KCNMA1: variants seen among roughly 807,000 people sequenced by gnomAD.
The protein encoded by KCNMA1 is potassium calcium-activated channel subfamily M alpha 1, also known as Calcium-activated potassium channel subunit alpha-1.
KCNMA1 carries 29 observed loss-of-function variants against 140.0 expected under a neutral mutation model. The observed-to-expected ratio is 0.21, with a 90% CI of 0.15 to 0.28. KCNMA1 has a LOEUF of 0.28. Ranked by LOEUF, KCNMA1 falls within the 10% of genes least tolerant of loss-of-function variation. The pLI is 1.00. For synonymous variants in KCNMA1, 612 were observed against 611.9 expected (o/e 1.00, Z 0.00); for missense variants, 880 against 1,602.2 (o/e 0.55, Z 7.70).
chr10:77,081,610 T>C (rs1188329751), intron 12 of KCNMA1, among the ~76,000 whole-genome samples: 1 of 152,142 alleles, frequency 6.6e-6, no homozygotes, highest in Non-Finnish European at 1.5e-5. Context: ...AACGTACGAA[T>C]TTAGGAAATG....
At chr10:77,129,046 C>T (rs533470537) in intron 5 of KCNMA1, among the ~76,000 whole-genome samples, 3 of 152,324 alleles carry the variant, frequency 2.0e-5, no homozygotes, top group African/African-American at 4.8e-5. Context: ...CTGCTTCCCA[C>T]CAGATTCAAC....
At chr10:77,165,367 C>T (rs1264364926) in intron 5 of KCNMA1, among the ~76,000 whole-genome samples, 3 of 152,212 alleles carry the variant, frequency 2.0e-5, no homozygotes, top group East Asian at 1.9e-4. Flanking sequence ...TTTATTAACA[C>T]ATTTTCTTTC....
At chr10:77,110,026 C>T (rs1015357752) in intron 8 of KCNMA1, 147 bp downstream of exon 8, 41 of 744,250 alleles carry the variant, frequency 5.5e-5, no homozygotes, top group Non-Finnish European at 8.4e-5. Context: ...AAGTCACCAT[C>T]GTGTTTGGAT....
At chr10:77,382,750 A>T (rs928923065) in intron 2 of KCNMA1, among the ~76,000 whole-genome samples, 2 of 150,192 alleles carry the variant, frequency 1.3e-5, no homozygotes, top group Non-Finnish European at 3.0e-5. Context: ...CTGTAATCCC[A>T]GCTACTCAGG....
chr10:77,435,763 A>C (rs2097250697), intron 1 of KCNMA1, among the ~76,000 whole-genome samples: 1 of 152,244 alleles, frequency 6.6e-6, no homozygotes, highest in South Asian at 2.1e-4. Context: ...TGACTGAATT[A>C]GATTTCCAAA....
intron 1 of KCNMA1, among the ~76,000 whole-genome samples, chr10:77,529,825 A>C (rs749920620): frequency 5.9e-5 from 9 of 152,224 alleles, no homozygotes; most frequent in Non-Finnish European, 1.0e-4. Flanking sequence ...CTGAAGAACC[A>C]TGACATCCTA....
intron 1 of KCNMA1, among the ~76,000 whole-genome samples, chr10:77,535,200 A>T (rs2058620854): frequency 6.6e-6 from 1 of 152,194 alleles, no homozygotes; most frequent in Non-Finnish European, 1.5e-5. Flanking sequence ...ACGCTCTAAC[A>T]TCCCAAAATA....
At chr10:77,603,831 C>T (rs1299497205) in intron 1 of KCNMA1, among the ~76,000 whole-genome samples, 1 of 152,248 alleles carries the variant, frequency 6.6e-6, no homozygotes, top group Non-Finnish European at 1.5e-5. Flanking sequence ...AGTGCAGACA[C>T]TGGCATTGGG....
chr10:77,611,740 C>T (rs899502474), intron 1 of KCNMA1, among the ~76,000 whole-genome samples: 1 of 152,040 alleles, frequency 6.6e-6, no homozygotes, highest in Admixed American at 6.6e-5. Flanking sequence ...ATCCTATGTC[C>T]CTGTAATGGC....
intron 14 of KCNMA1, among the ~76,000 whole-genome samples, chr10:77,040,028 G>A (rs1358205531): frequency 1.3e-5 from 2 of 150,140 alleles, no homozygotes; most frequent in African/African-American, 2.4e-5. Context: ...GACTATAGGT[G>A]TGCATCACCA....
At chr10:77,106,593 C>G (rs2097202740) in intron 9 of KCNMA1, among the ~76,000 whole-genome samples, 1 of 152,038 alleles carries the variant, frequency 6.6e-6, no homozygotes, top group South Asian at 2.1e-4. Context: ...ACTTAGCCTT[C>G]AGGGCAATTG....
chr10:77,198,430 T>C (rs1294616959), intron 3 of KCNMA1, among the ~76,000 whole-genome samples: 1 of 152,056 alleles, frequency 6.6e-6, no homozygotes, highest in Non-Finnish European at 1.5e-5. Context: ...CATCTTTTCT[T>C]CATCTCAGCA....
intron 1 of KCNMA1, among the ~76,000 whole-genome samples, chr10:77,421,742 C>T (rs545913335): frequency 6.6e-6 from 1 of 152,336 alleles, no homozygotes; most frequent in East Asian, 1.9e-4. Flanking sequence ...CAGACTTGGC[C>T]CACAGCCTGT....
chr10:77,159,844 C>A (rs1169405925), intron 5 of KCNMA1, among the ~76,000 whole-genome samples: 1 of 152,144 alleles, frequency 6.6e-6, no homozygotes, highest in African/African-American at 2.4e-5. Context: ...CTTCCTTCTC[C>A]CCCATGAATG....
rs79607360 is a variant in KCNMA1 at position 77,503,032 on chromosome 10, G to A, written c.379-99009C>T. Among the ~76,000 whole-genome samples, 120 of 152,252 alleles carry A rather than the reference G, an allele frequency of 7.9e-4. 2 individuals are homozygous for A. In the East Asian group the frequency reaches 0.022, roughly 28 times the overall value. On this transcript the variant is annotated intron_variant, in intron 1 of 27. Coordinates refer to ENST00000286628, the MANE Select transcript of KCNMA1 (RefSeq NM_001161352.2). ...CTTGAGAGGCTGAAGCTGGAGGACCGCTTGAGCCCAGGAGTTTGAGACAAG... is the reference window on the plus strand; with the variant it reads ...CTTGAGAGGCTGAAGCTGGAGGACCACTTGAGCCCAGGAGTTTGAGACAAG...
intron 23 of KCNMA1, among the ~76,000 whole-genome samples, chr10:76,926,193 G>A (rs1312143013): frequency 5.3e-5 from 8 of 152,082 alleles, no homozygotes; most frequent in Non-Finnish European, 8.8e-5. Context: ...TCTGTACAGC[G>A]TGGTCAATAA....
intron 25 of KCNMA1, among the ~76,000 whole-genome samples, chr10:76,909,192 A>T (rs530590399): frequency 8.2e-4 from 125 of 151,874 alleles, no homozygotes; most frequent in Non-Finnish European, 1.2e-3. Flanking sequence ...TGTCCTCTCC[A>T]CCTTCTGCTC....
At position 77,530,838 on chromosome 10, in the gene KCNMA1, G is replaced by A. The variant is rs57804101; in HGVS notation, c.378+106427C>T. Among the ~76,000 whole-genome samples the A allele has an allele frequency of 5.4e-3, 816 of 152,144 alleles. 4 individuals are homozygous for A. Among genetic ancestry groups the A allele is most frequent in the African/African-American group, 0.019 (794 of 41,470 alleles). On this transcript the variant is annotated intron_variant, in intron 1 of 27. Transcript: ENST00000286628. ...CTTGAAATCAACTTGAAATTGTCTC[G>A]ATTTTTTCAAATTAGCATTGTCCTG...
At chr10:77,620,831 A>G (rs1382764665) in intron 1 of KCNMA1, among the ~76,000 whole-genome samples, 1 of 152,246 alleles carries the variant, frequency 6.6e-6, no homozygotes, top group East Asian at 1.9e-4. Context: ...AAACACAGCT[A>G]GATGCCTAGA....
Sources: allele counts gnomAD v4.1 joint callset (sites outside exome capture counted in the v4.1 genomes callset), GRCh38; gene constraint gnomAD v4.1.1; transcripts MANE v1.5; gene names NCBI Gene and HGNC (gene_info 2026-07-23, HGNC 2026-07-21).